MGAT4C: variants seen among roughly 807,000 people sequenced by gnomAD.
MGAT4C encodes the protein alpha-1,3-mannosyl-glycoprotein 4-beta-N-acetylglucosaminyltransferase C.
A neutral mutation model predicts 40.1 loss-of-function variants in MGAT4C; 19 were observed. That is an observed-to-expected ratio of 0.47 (90% CI 0.33 to 0.70). The LOEUF (loss-of-function observed/expected upper bound fraction) is 0.70. Ranked by LOEUF, MGAT4C falls within the 30% of genes least tolerant of loss-of-function variation. MGAT4C has a pLI of 0.02. For missense variants in MGAT4C, 491 were observed against 563.2 expected, an observed-to-expected ratio of 0.87 and a Z score of 1.30; for synonymous variants, 181 against 187.1, an observed-to-expected ratio of 0.97 and a Z score of 0.27.
At chr12:86,835,440 A>T (rs983478557) in intron 1 of MGAT4C, among the ~76,000 whole-genome samples, 10 of 152,014 alleles carry the variant, frequency 6.6e-5, no homozygotes, top group African/African-American at 2.4e-4. Flanking sequence ...TGAGGGATGG[A>T]TTGGTACGCT....
At chr12:86,583,899 T>G (rs1174575626) in intron 2 of MGAT4C, among the ~76,000 whole-genome samples, 2 of 151,098 alleles carry the variant, frequency 1.3e-5, no homozygotes, top group Non-Finnish European at 3.0e-5. Context: ...TAAAAATTAT[T>G]TGGCAGCTAA....
intron 1 of MGAT4C, among the ~76,000 whole-genome samples, chr12:86,212,345 T>C (rs1378199504): frequency 6.6e-6 from 1 of 152,190 alleles, no homozygotes; most frequent in East Asian, 1.9e-4. Flanking sequence ...AGAATATATA[T>C]CTTTAAAATA....
rs1346077239 is a variant in MGAT4C, at chr12:86,828,458, C to T, written c.-262+10208G>A. The stretch of plus-strand genomic sequence containing the variant: ...AAAAATTTGTTTTGTGTGCTGTATT[C>T]TTAGCTTTTAAAAATGACTTTTATA... On this transcript the variant is annotated intron_variant, in intron 1 of 7. Transcript: ENST00000548651. Among the ~76,000 whole-genome samples, 3 of 151,246 alleles carry T rather than the reference C, an allele frequency of 2.0e-5. No homozygotes were observed. The South Asian group carries it at 6.2e-4, about 31-fold the overall frequency.
At position 86,428,508 on chromosome 12, in the gene MGAT4C, C is replaced by T. The variant is rs117913825; in HGVS notation, c.-120+6649G>A. On this transcript the variant is annotated intron_variant, in intron 3 of 7. Coordinates refer to the MGAT4C transcript ENST00000548651. ...GATCACAGACATGAGCTACCACTCC[C>T]GGCCTCTCCTCTTCGACTTTTTGAG... 3.9e-3 allele frequency among the ~76,000 whole-genome samples: 601 copies of T among 152,324 alleles called. 4 individuals carry two copies. The highest frequency in any genetic ancestry group is 7.3e-3 in the Admixed American group (111 of 15,298).
chr12:86,031,231 A>G (rs1890729430), intron 2 of MGAT4C, among the ~76,000 whole-genome samples: 1 of 151,864 alleles, frequency 6.6e-6, no homozygotes, highest in East Asian at 1.9e-4. Flanking sequence ...AACTAATAAT[A>G]ACTGAGTGAA....
rs1390661213 is a variant in MGAT4C at position 85,966,800 on chromosome 12, C to CAAAA, written c.*12485_*12488dup. On this transcript the variant is annotated 3_prime_UTR_variant, in exon 5 of 5. Transcript: ENST00000611864. ...CATTCTCAGCAAACTATTGCAACGA[C>CAAAA]AAAAAAACCAAACACTGCATGTTCT... 1 of 149,186 alleles carries CAAAA rather than the reference C, an allele frequency of 6.7e-6. No homozygotes were observed. Among genetic ancestry groups the CAAAA allele is most frequent in the African/African-American group, 2.5e-5 (1 of 40,500 alleles). 9.2% of individuals were successfully genotyped at this position (149,186 alleles called of 1,614,324 possible).
chr12:86,829,246 GGATA>G (rs1272947166), intron 1 of MGAT4C, among the ~76,000 whole-genome samples: 1 of 151,192 alleles, frequency 6.6e-6, no homozygotes, highest in African/African-American at 2.4e-5. Flanking sequence ...TGAAAAGAAA[GGATA>G]GTTACAAATA....
intron 2 of MGAT4C, among the ~76,000 whole-genome samples, chr12:86,479,111 T>TC (rs1464869875): frequency 6.6e-6 from 1 of 152,012 alleles, no homozygotes; most frequent in Non-Finnish European, 1.5e-5. Flanking sequence ...TCTATAGACT[T>TC]TCTAAACTAT....
intron 3 of MGAT4C, among the ~76,000 whole-genome samples, chr12:86,345,455 G>A (rs1955009254): frequency 6.6e-6 from 1 of 150,958 alleles, no homozygotes; most frequent in African/African-American, 2.4e-5. Context: ...TCCCTGATGT[G>A]TGATGTTCCC....
chr12:86,621,115 T>A (rs1962621873), intron 2 of MGAT4C, among the ~76,000 whole-genome samples: 1 of 152,012 alleles, frequency 6.6e-6, no homozygotes, highest in African/African-American at 2.4e-5. Context: ...ATTTAAAAAA[T>A]TATAATTTTA....
At position 86,504,783 on chromosome 12, in the gene MGAT4C, T is replaced by C. The variant is rs373775625; in HGVS notation, c.-228-69518A>G. 4.0e-5 allele frequency among the ~76,000 whole-genome samples: 6 copies of C among 151,768 alleles called. No homozygotes were observed. In the East Asian group the frequency reaches 1.2e-3, roughly 29 times the overall value. On this transcript the variant is annotated intron_variant, in intron 2 of 7. Transcript: ENST00000548651. ...TTCACTGCAACCTCCGCCTCCCGGG[T>C]TCAAGCAATTCTCCTGCCTCAGCCT...
chr12:86,334,196 A>T (rs1954736380), intron 3 of MGAT4C: 1 of 152,140 alleles, frequency 6.6e-6, no homozygotes, highest in South Asian at 2.1e-4. Flanking sequence ...CATGCAAATA[A>T]ACTCCCAGTT....
intron 2 of MGAT4C, among the ~76,000 whole-genome samples, chr12:86,593,438 T>C (rs1025150190): frequency 2.0e-5 from 3 of 152,134 alleles, no homozygotes; most frequent in African/African-American, 2.4e-5. Context: ...TTGCTCTTTT[T>C]TTCCAATGCC....
chr12:86,763,033 G>A (rs779309907), intron 1 of MGAT4C, among the ~76,000 whole-genome samples: 3 of 152,066 alleles, frequency 2.0e-5, no homozygotes, highest in Non-Finnish European at 4.4e-5. Context: ...ATTTTGAGAA[G>A]GAACAAAATC....
chr12:86,596,781 G>A (rs970233987), intron 2 of MGAT4C, among the ~76,000 whole-genome samples: 2 of 152,098 alleles, frequency 1.3e-5, no homozygotes, highest in African/African-American at 4.8e-5. Context: ...GGCTATTGAT[G>A]CTACTTTTGG....
chr12:86,157,982 T>C (rs1885162384), intron 1 of MGAT4C, among the ~76,000 whole-genome samples: 2 of 152,202 alleles, frequency 1.3e-5, no homozygotes, highest in Admixed American at 6.5e-5. Flanking sequence ...AAAAATATAC[T>C]TTATTCAAGA....
intron 1 of MGAT4C, among the ~76,000 whole-genome samples, chr12:86,085,701 C>T (rs2135554379): frequency 6.6e-6 from 1 of 152,094 alleles, no homozygotes; most frequent in Non-Finnish European, 1.5e-5. Flanking sequence ...AAGAAAAAAA[C>T]AAACAACCAT....
chr12:86,109,829 C>G (rs1276858238), intron 1 of MGAT4C, among the ~76,000 whole-genome samples: 1 of 151,632 alleles, frequency 6.6e-6, no homozygotes, highest in African/African-American at 2.4e-5. Flanking sequence ...AAAAAAGTGA[C>G]CACACTGAGT....
chr12:86,232,879 A>G (rs920884348), intron 1 of MGAT4C, among the ~76,000 whole-genome samples: 3 of 152,198 alleles, frequency 2.0e-5, no homozygotes, highest in Non-Finnish European at 4.4e-5. Context: ...CAGAACACCT[A>G]TATCTGGAGT....
Sources: gnomAD v4.1 joint callset for allele counts (sites outside exome capture counted in the v4.1 genomes callset) on GRCh38, gnomAD v4.1.1 for gene constraint, MANE v1.5 for transcripts, NCBI Gene and HGNC (gene_info 2026-07-23, HGNC 2026-07-21) for gene names.